CEACAM5: variants seen among roughly 807,000 people sequenced by gnomAD.
CEACAM5 encodes the protein cell adhesion molecule CEACAM5.
Under a neutral mutation model 63.0 loss-of-function variants are expected in CEACAM5, and 52 were observed. That is an observed-to-expected ratio of 0.83 (90% CI 0.66 to 1.04). CEACAM5 has a LOEUF of 1.04. Among genes scored for constraint, CEACAM5 ranks in the 50% least tolerant of loss-of-function variants. CEACAM5 has a pLI of 0.00. For missense variants in CEACAM5, 790 were observed against 864.8 expected (o/e 0.91, Z 1.08); for synonymous variants, 357 against 351.3 (o/e 1.02, Z -0.18).
At chr19:41,717,846 C>T in intron 5 of CEACAM5, 113 bp downstream of exon 5, 2 of 1,365,168 alleles carry the variant, frequency 1.5e-6, no homozygotes, top group East Asian at 2.3e-5. Context: ...TACCCCTGGA[C>T]ATCCAGGCTG....
chr19:41,715,075 C>T lies in CEACAM5; in HGVS notation c.529C>T (p.Leu177=). Residue 177 remains leucine, a synonymous_variant, in exon 3 of 10, where the codon CTG becomes TTG. Coordinates refer to ENST00000221992, the MANE Select transcript of CEACAM5 (RefSeq NM_004363.6). ...ACCTGAGACTCAGGACGCAACCTACCTGTGGTGGGTAAACAATCAGAGCCT... is the reference window on the plus strand; with the variant it reads ...ACCTGAGACTCAGGACGCAACCTACTTGTGGTGGGTAAACAATCAGAGCCT... ...CEPETQDATY[L]WWVNNQSLPV... is the part of the protein sequence containing the mutation. 6.2e-7 allele frequency: 1 copy of T among 1,614,200 alleles called. No individual in the cohort carries two copies. Among genetic ancestry groups the T allele is most frequent in the East Asian group, 2.2e-5 (1 of 44,884 alleles).
intron 9 of CEACAM5, among the ~76,000 whole-genome samples, 153 bp from the exon 10 acceptor site, chr19:41,729,031 G>T (rs1037656503): frequency 1.3e-5 from 2 of 152,090 alleles, no homozygotes; most frequent in African/African-American, 4.8e-5. Flanking sequence ...TATTCCAAAA[G>T]TTATATAAGA....
Position 41,722,649 on chromosome 19 carries a change from T to C in CEACAM5, c.2026+1473T>C, listed in dbSNP as rs115805910. Among the ~76,000 whole-genome samples, 398 of 152,352 alleles carry C rather than the reference T, an allele frequency of 2.6e-3. 3 individuals carry two copies. The highest frequency in any genetic ancestry group is 9.0e-3 in the African/African-American group (374 of 41,578). ...GCATAATGTCTTCAAGGTTCATCCA[T>C]TTTGCACCATGTATCACAATTTCTT... is the stretch of plus-strand genomic sequence containing the variant. On this transcript the variant is annotated intron_variant, in intron 8 of 9. Coordinates refer to ENST00000221992, the MANE Select transcript of CEACAM5 (RefSeq NM_004363.6).
Position 41,717,695 on chromosome 19 carries a change from G to C in CEACAM5, c.1199G>C (p.Ser400Thr). 1 of 1,614,180 alleles carries C rather than the reference G, an allele frequency of 6.2e-7. No individual in the cohort carries two copies. Among genetic ancestry groups the C allele is most frequent in the Non-Finnish European group, 8.5e-7 (1 of 1,180,030 alleles). Residue 400 changes from serine (S) to threonine (T), a missense_variant, in exon 5 of 10, where the codon AGT (serine) becomes ACT (threonine). Coordinates refer to ENST00000221992, the MANE Select transcript of CEACAM5 (RefSeq NM_004363.6). ...GAGTGTGGAATCCAGAACGAATTAA[G>C]TGTTGACCACAGCGACCCAGTCATC... ...PYECGIQNELSVDHSDPVILN... is the reference protein window; with the variant it reads ...PYECGIQNELTVDHSDPVILN...
At chr19:41,711,272 C>A (rs1307510995) in intron 2 of CEACAM5, among the ~76,000 whole-genome samples, 1 of 152,210 alleles carries the variant, frequency 6.6e-6, no homozygotes, top group Non-Finnish European at 1.5e-5. Context: ...AGCCCCCTCA[C>A]ATGACCTCAA....
intron 8 of CEACAM5, 111 bp downstream of exon 8, chr19:41,721,287 A>G (rs1034650915): frequency 2.4e-6 from 3 of 1,231,058 alleles, no homozygotes; most frequent in Non-Finnish European, 1.2e-6. Flanking sequence ...CATGGGCACA[A>G]GGAAATCCCA....
intron 9 of CEACAM5, among the ~76,000 whole-genome samples, chr19:41,728,205 C>T (rs1169841177): frequency 6.6e-6 from 1 of 152,088 alleles, no homozygotes; most frequent in Non-Finnish European, 1.5e-5. Context: ...GAGACAAAAC[C>T]TGAAAAATAA....
rs1555814919 is a variant in CEACAM5 at position 41,715,753 on chromosome 19, C to T, written c.807C>T (p.Tyr269=). ...CHAASNPPAQ[Y]SWFVNGTFQQ... is the part of the protein sequence containing the mutation. Reference sequence around the variant, plus strand: ...CAGCCTCTAACCCACCTGCACAGTACTCTTGGTTTGTCAATGGGACTTTCC... The same window carrying T: ...CAGCCTCTAACCCACCTGCACAGTATTCTTGGTTTGTCAATGGGACTTTCC... The change falls in exon 4 of 10, where the codon TAC becomes TAT. Residue 269 remains tyrosine (Y), a synonymous_variant. Transcript: ENST00000221992. 3.1e-6 allele frequency: 5 copies of T among 1,614,198 alleles called. No homozygotes were observed. Among genetic ancestry groups the T allele is most frequent in the South Asian group, 2.2e-5 (2 of 91,076 alleles).
chr19:41,729,930 A>G lies in CEACAM5; in HGVS notation c.*783A>G, dbSNP rs2072748716. On this transcript the variant is annotated 3_prime_UTR_variant, in exon 10 of 10. Coordinates refer to ENST00000221992, the MANE Select transcript of CEACAM5 (RefSeq NM_004363.6). ...ATCTGCTCTTTGTATGACAGAATAC[A>G]TTTGAAAACATTGGTTATATTACCA... 1 of 152,222 alleles carries G rather than the reference A, an allele frequency of 6.6e-6. No homozygotes were observed. Among genetic ancestry groups the G allele is most frequent in the Admixed American group, 6.5e-5 (1 of 15,282 alleles). 9.4% of individuals were successfully genotyped at this position (152,222 alleles called of 1,614,324 possible).
At chr19:41,713,318 GA>G (rs1480131162) in intron 2 of CEACAM5, among the ~76,000 whole-genome samples, 1 of 151,458 alleles carries the variant, frequency 6.6e-6, no homozygotes. Flanking sequence ...AAAAGAAAAA[GA>G]AAGAAAAGAA....
chr19:41,718,158 C>CT lies in CEACAM5; in HGVS notation c.1268_1269insT (p.Tyr424IlefsTer19). On this transcript the variant is annotated frameshift_variant, in exon 6 of 10. Coordinates refer to ENST00000221992, the MANE Select transcript of CEACAM5 (RefSeq NM_004363.6). LOFTEE classifies it high-confidence loss of function. ...CCAGACGACCCCACCATTTCCCCCTCATACACCTATTACCGTCCAGGGGTG... is the reference window on the plus strand; with the variant it reads ...CCAGACGACCCCACCATTTCCCCCTCTATACACCTATTACCGTCCAGGGGTG... The CT allele has an allele frequency of 1.2e-6, 2 of 1,614,224 alleles. No homozygotes were observed. The highest frequency in any genetic ancestry group is 2.2e-5 in the South Asian group (2 of 91,080).
At chr19:41,724,669 A>G (rs1391902862) in intron 8 of CEACAM5, among the ~76,000 whole-genome samples, 2 of 152,172 alleles carry the variant, frequency 1.3e-5, no homozygotes, top group African/African-American at 4.8e-5. Flanking sequence ...TTTTCAGGGT[A>G]CAATCCTTTC....
chr19:41,708,680 C>T lies in CEACAM5; in HGVS notation c.-52C>T. 1.3e-6 allele frequency: 2 copies of T among 1,548,310 alleles called. No homozygotes were observed. Among genetic ancestry groups the T allele is most frequent in the East Asian group, 2.3e-5 (1 of 43,556 alleles). On this transcript the variant is annotated 5_prime_UTR_variant, in exon 1 of 10. Transcript: ENST00000221992. The stretch of plus-strand genomic sequence containing the variant: ...TCACAGCAGCCTTGACAAAACGTTC[C>T]TGGAACTCAAGCTCTTCTCCACAGA...
chr19:41,715,457 G>T (rs1168403678), intron 3 of CEACAM5, 193 bp from the exon 4 acceptor site: 2 of 1,112,594 alleles, frequency 1.8e-6, no homozygotes, highest in African/African-American at 1.5e-5. Flanking sequence ...GTCCTGGGAG[G>T]CTCAGGGTCC....
At chr19:41,727,186 A>G (rs2072711625) in intron 8 of CEACAM5, 48 bp from the exon 9 acceptor site, 2 of 1,414,142 alleles carry the variant, frequency 1.4e-6, no homozygotes, top group African/African-American at 2.8e-5. Context: ...ACTGTAAAAT[A>G]ACATCACATT....
chr19:41,709,589 G>A (rs1472858735), intron 1 of CEACAM5, 91 bp from the exon 2 acceptor site: 37 of 1,528,626 alleles, frequency 2.4e-5, no homozygotes, highest in Non-Finnish European at 2.8e-5. Flanking sequence ...AGGGCTGGGG[G>A]ATGAAGAGAC....
At position 41,715,763 on chromosome 19, in the gene CEACAM5, G is replaced by T; in HGVS notation, c.817G>T (p.Val273Phe). Reference protein sequence around the residue: ...SNPPAQYSWFVNGTFQQSTQE... With the variant: ...SNPPAQYSWFFNGTFQQSTQE... Reference sequence around the variant, plus strand: ...CCCACCTGCACAGTACTCTTGGTTTGTCAATGGGACTTTCCAGCAATCCAC... The same window carrying T: ...CCCACCTGCACAGTACTCTTGGTTTTTCAATGGGACTTTCCAGCAATCCAC... The change falls in exon 4 of 10, where the codon GTC (valine) becomes TTC (phenylalanine). Residue 273 changes from valine (V) to phenylalanine (F), a missense_variant. By Grantham distance (50) the Val-to-Phe change is conservative. Transcript: ENST00000221992. 1 of 1,614,152 alleles carries T rather than the reference G, an allele frequency of 6.2e-7. No homozygotes were observed. Among genetic ancestry groups the T allele is most frequent in the East Asian group, 2.2e-5 (1 of 44,886 alleles).
At position 41,727,348 on chromosome 19, in the gene CEACAM5, G is replaced by GAA; in HGVS notation, c.*33_*34insAA. 2 of 1,477,130 alleles carry GAA rather than the reference G, an allele frequency of 1.4e-6. No homozygotes were observed. Among genetic ancestry groups the GAA allele is most frequent in the Non-Finnish European group, 1.9e-6 (2 of 1,056,216 alleles). 91.5% of individuals were successfully genotyped at this position (1,477,130 alleles called of 1,614,324 possible). On this transcript the variant is annotated 3_prime_UTR_variant, in exon 9 of 10. Transcript: ENST00000221992. ...TGGTGTAGTTTCTTCATTTCAGGAA[G>GAA]ACTGGTAGGTATAATGGCCTTTCCT... is the stretch of plus-strand genomic sequence containing the variant.
chr19:41,720,555 G>A (rs932293585), intron 7 of CEACAM5, among the ~76,000 whole-genome samples: 11 of 142,038 alleles, frequency 7.7e-5, no homozygotes, highest in Admixed American at 1.6e-4. Flanking sequence ...CGCCCAGGCT[G>A]GACTGCAGTG....
Sources: allele counts gnomAD v4.1 joint callset (sites outside exome capture counted in the v4.1 genomes callset), GRCh38; gene constraint gnomAD v4.1.1; transcripts MANE v1.5; gene names NCBI Gene and HGNC (gene_info 2026-07-23, HGNC 2026-07-21).